TMOD1: variants seen among roughly 807,000 people sequenced by gnomAD.
The protein encoded by TMOD1 is tropomodulin-1.
A neutral mutation model predicts 40.6 loss-of-function variants in TMOD1; 17 were observed. The observed-to-expected ratio is 0.42, with a 90% CI of 0.29 to 0.63. The LOEUF (loss-of-function observed/expected upper bound fraction) is 0.63, where lower values mean the gene tolerates loss of function less well. TMOD1 is among the 20% of genes least tolerant of loss of function. TMOD1 has a pLI of 0.22. For missense variants in TMOD1, 391 were observed against 447.6 expected (o/e 0.87, Z 1.14); for synonymous variants, 181 against 175.0 (o/e 1.03, Z -0.27).
chr9:97,599,512 C>A, intron 9 of TMOD1, 122 bp from the exon 10 acceptor site: 2 of 1,240,980 alleles, frequency 1.6e-6, no homozygotes, highest in Non-Finnish European at 2.3e-6. Context: ...TTCAAAACAA[C>A]AGACTTCAGA....
intron 8 of TMOD1, among the ~76,000 whole-genome samples, chr9:97,585,749 T>C (rs974436336): frequency 1.5e-5 from 2 of 135,930 alleles, no homozygotes; most frequent in Non-Finnish European, 3.1e-5. Flanking sequence ...CTTCATTTCA[T>C]TCATTTCATC....
At chr9:97,519,110 T>C (rs1400905843) in intron 1 of TMOD1, among the ~76,000 whole-genome samples, 1 of 152,234 alleles carries the variant, frequency 6.6e-6, no homozygotes, top group Non-Finnish European at 1.5e-5. Flanking sequence ...TGTTCCCACA[T>C]TGGCGGGCAA....
At chr9:97,551,014 ATTTTTTTTTTTTTT>A (rs55700746) in intron 3 of TMOD1, among the ~76,000 whole-genome samples, 1,304 of 104,258 alleles carry the variant, frequency 0.013, 25 homozygotes, top group Non-Finnish European at 0.014. Context: ...ATATATATAT[ATTTTTTTTTTTTTT>A]TTTTTTTTTT....
At chr9:97,581,546 TC>T (rs1308023762) in intron 8 of TMOD1, among the ~76,000 whole-genome samples, 1 of 151,880 alleles carries the variant, frequency 6.6e-6, no homozygotes, top group Non-Finnish European at 1.5e-5. Context: ...TATTTCCAGT[TC>T]TAGATCCCTG....
intron 1 of TMOD1, among the ~76,000 whole-genome samples, chr9:97,521,377 G>C (rs1332557643): frequency 2.0e-5 from 3 of 152,146 alleles, no homozygotes; most frequent in African/African-American, 7.2e-5. Context: ...AAAAGCTTGT[G>C]TTTGCAGCCT....
intron 1 of TMOD1, among the ~76,000 whole-genome samples, chr9:97,520,198 T>G (rs1829892722): frequency 6.6e-6 from 1 of 151,990 alleles, no homozygotes; most frequent in Non-Finnish European, 1.5e-5. Context: ...GCCAGGTCAG[T>G]CAATGCTTTC....
At chr9:97,559,790 AAAAAATATAT>A (rs1830595734) in intron 4 of TMOD1, among the ~76,000 whole-genome samples, 1 of 44,076 alleles carries the variant, frequency 2.3e-5, no homozygotes, top group African/African-American at 1.0e-4. Flanking sequence ...AAAAAAAAAA[AAAAAATATAT>A]ATATATATAT....
upstream of TMOD1, chr9:97,501,417 C>A (rs1829497305): frequency 1.3e-5 from 2 of 152,358 alleles, no homozygotes; most frequent in Non-Finnish European, 2.9e-5. Flanking sequence ...CTTCCTGGTA[C>A]CAGCGGGGAA....
chr9:97,506,757 C>A (rs982270165), intron 1 of TMOD1, among the ~76,000 whole-genome samples: 1 of 152,210 alleles, frequency 6.6e-6, no homozygotes, highest in Non-Finnish European at 1.5e-5. Context: ...CTGAAGTGCT[C>A]TCCAGGGTTT....
chr9:97,531,037 A>ACCCCCC (rs1285892432), intron 2 of TMOD1, among the ~76,000 whole-genome samples: 4 of 92,322 alleles, frequency 4.3e-5, no homozygotes, highest in Admixed American at 1.4e-4. Context: ...ATCCACACCC[A>ACCCCCC]CCCCCCCCAC....
At chr9:97,522,001 T>C (rs1829923803) in intron 1 of TMOD1, among the ~76,000 whole-genome samples, 3 of 152,180 alleles carry the variant, frequency 2.0e-5, no homozygotes, top group Admixed American at 1.3e-4. Flanking sequence ...TTCTCTACTT[T>C]AGAAAATTCC....
rs749593132 is a variant in TMOD1 at position 97,591,399 on chromosome 9, C to T, written c.979C>T (p.Arg327Trp). 11 of 1,614,210 alleles carry T rather than the reference C, an allele frequency of 6.8e-6. No homozygotes were observed. Among genetic ancestry groups the T allele is most frequent in the African/African-American group, 1.3e-5 (1 of 75,054 alleles). The change falls in exon 9 of 10, where the codon CGG (arginine) becomes TGG (tryptophan). Residue 327 changes from arginine (R) to tryptophan (W), a missense_variant. Physicochemically the swap from Arg to Trp is moderately radical, Grantham distance 101. Transcript: ENST00000259365. ...YHFTQQGPRL[R>W]ASNAMMNNND... is the part of the protein sequence containing the mutation. ...CTTTACCCAGCAAGGACCCCGGCTT[C>T]GGGCATCCAACGCAATGATGAACAA...
intron 1 of TMOD1, among the ~76,000 whole-genome samples, chr9:97,504,784 GC>G (rs1829566010): frequency 6.6e-6 from 1 of 152,128 alleles, no homozygotes; most frequent in East Asian, 1.9e-4. Flanking sequence ...CTCCTGCTGA[GC>G]CCGGTCGTAA....
chr9:97,503,508 G>A (rs891943548), intron 1 of TMOD1, among the ~76,000 whole-genome samples: 5 of 152,342 alleles, frequency 3.3e-5, no homozygotes, highest in East Asian at 3.9e-4. Flanking sequence ...AACAGGCAGA[G>A]TGAAAACAAG....
intron 3 of TMOD1, among the ~76,000 whole-genome samples, chr9:97,548,406 G>A (rs569725643): frequency 6.6e-6 from 1 of 152,312 alleles, no homozygotes; most frequent in East Asian, 1.9e-4. Flanking sequence ...CTAGATTATA[G>A]AACTTCTGAA....
Position 97,599,661 on chromosome 9 carries a change from C to G in TMOD1, c.1043C>G (p.Thr348Ser), listed in dbSNP as rs1231817804. ...LVRKRRLADL[T>S]GPIIPKCRSG... Reference sequence around the variant, plus strand: ...AGGAAGAGGAGGCTTGCGGACCTGACTGGGCCCATCATTCCCAAGTGCCGG... The same window carrying G: ...AGGAAGAGGAGGCTTGCGGACCTGAGTGGGCCCATCATTCCCAAGTGCCGG... The change falls in exon 10 of 10, where the codon ACT (threonine) becomes AGT (serine). Residue 348 changes from threonine (T) to serine (S), a missense_variant. Thr to Ser is a moderately conservative substitution (Grantham distance 58). Coordinates refer to ENST00000259365, the MANE Select transcript of TMOD1 (RefSeq NM_003275.4). 1 of 1,614,084 alleles carries G rather than the reference C, an allele frequency of 6.2e-7. No individual in the cohort carries two copies. Among genetic ancestry groups the G allele is most frequent in the African/African-American group, 1.3e-5 (1 of 74,926 alleles).
chr9:97,571,332 A>C (rs1265296063), intron 8 of TMOD1, among the ~76,000 whole-genome samples: 1 of 152,158 alleles, frequency 6.6e-6, no homozygotes, highest in Non-Finnish European at 1.5e-5. Flanking sequence ...CATGCTAACC[A>C]TTGCCCTTAC....
At position 97,530,471 on chromosome 9, in the gene TMOD1, A is replaced by C. The variant is rs552721656; in HGVS notation, c.120+6163A>C. 7.9e-5 allele frequency among the ~76,000 whole-genome samples: 12 copies of C among 151,722 alleles called. No individual in the cohort carries two copies. In the South Asian group the frequency reaches 2.5e-3, roughly 32 times the overall value. ...CTGCAAAGCCTGAATAATAATAACG[A>C]TGATTTTCTACTGAGGAGTTTTTTT... On this transcript the variant is annotated intron_variant, in intron 2 of 9. Coordinates refer to ENST00000259365, the MANE Select transcript of TMOD1 (RefSeq NM_003275.4).
intron 2 of TMOD1, among the ~76,000 whole-genome samples, chr9:97,525,202 T>C (rs1172449653): frequency 6.6e-6 from 1 of 152,228 alleles, no homozygotes; most frequent in Non-Finnish European, 1.5e-5. Flanking sequence ...ATGTTTATTC[T>C]TCTCCTTGCT....
Sources: gnomAD v4.1 joint callset for allele counts (sites outside exome capture counted in the v4.1 genomes callset) on GRCh38, gnomAD v4.1.1 for gene constraint, MANE v1.5 for transcripts, NCBI Gene and HGNC (gene_info 2026-07-23, HGNC 2026-07-21) for gene names.